Variants in ICAM1 observed in about 807,000 individuals in gnomAD.
The protein encoded by ICAM1 is ICAM-1.
ICAM1 carries 28 observed loss-of-function variants against 42.3 expected under a neutral mutation model. The ratio of observed to expected loss-of-function variants is 0.66; its 90% CI spans 0.49 to 0.91. ICAM1 has a LOEUF of 0.91. Among genes scored for constraint, ICAM1 ranks in the 40% least tolerant of loss-of-function variants. The pLI, the probability that ICAM1 is intolerant of heterozygous loss-of-function variation, is 0.00. For missense variants in ICAM1, 637 were observed against 688.6 expected, an observed-to-expected ratio of 0.93 and a Z score of 0.84; for synonymous variants, 304 against 305.9, an observed-to-expected ratio of 0.99 and a Z score of 0.07.
chr19:10,278,173 G>T (rs1013507952), intron 2 of ICAM1, among the ~76,000 whole-genome samples: 1 of 152,150 alleles, frequency 6.6e-6, no homozygotes, highest in Non-Finnish European at 1.5e-5. Flanking sequence ...CTCCAGCCTG[G>T]GTGACAGAGA....
In ICAM1 at chr19:10,283,800, A is replaced by G. The variant is rs2040080261; in HGVS notation, c.637+14A>G. ...TCCAGACCTTTGGTGAGGATTGAAG[A>G]AGCCAGCAGGGAGAAGGTGGGGGTG... On this transcript the variant is annotated intron_variant, in intron 3 of 6. Transcript: ENST00000264832. 6.3e-7 allele frequency: 1 copy of G among 1,581,722 alleles called. No homozygotes were observed. The highest frequency in any genetic ancestry group is 1.8e-5 in the Admixed American group (1 of 56,342).
At position 10,284,557 on chromosome 19, in the gene ICAM1, C is replaced by T. The variant is rs377420632; in HGVS notation, c.1080C>T (p.Ala360=). 21 of 1,614,150 alleles carry T rather than the reference C, an allele frequency of 1.3e-5. No individual in the cohort carries two copies. The African/African-American group carries it at 2.5e-4, about 19-fold the overall frequency. ...LGPRAQLLLK[A]TPEDNGRSFS... ...CGAGGGCCCAGCTCCTGCTGAAGGC[C>T]ACCCCAGAGGACAACGGGCGCAGCT... Residue 360 remains alanine (A), a synonymous_variant, in exon 5 of 7, where the codon GCC becomes GCT. Coordinates refer to ENST00000264832, the MANE Select transcript of ICAM1 (RefSeq NM_000201.3). The surrounding 1 kb of genome is among the most constrained non-coding windows in gnomAD (Gnocchi z 5.4).
intron 2 of ICAM1, among the ~76,000 whole-genome samples, chr19:10,279,567 T>G (rs750487023): frequency 1.3e-5 from 2 of 151,978 alleles, no homozygotes; most frequent in Non-Finnish European, 2.9e-5. Flanking sequence ...TGCAGCCTCC[T>G]CCACCTCCTG....
Position 10,280,612 on chromosome 19 carries a change from C to T in ICAM1, c.332-2869C>T, listed in dbSNP as rs148251870. On this transcript the variant is annotated intron_variant, in intron 2 of 6. Coordinates refer to ENST00000264832, the MANE Select transcript of ICAM1 (RefSeq NM_000201.3). Reference sequence around the variant, plus strand: ...AGACCGGAGTTTCGCTCTTATTGCCCAGGCTGAAGTGCAATGGCAGGATCT... The same window carrying T: ...AGACCGGAGTTTCGCTCTTATTGCCTAGGCTGAAGTGCAATGGCAGGATCT... 2.9e-3 allele frequency among the ~76,000 whole-genome samples: 446 copies of T among 151,874 alleles called. 2 individuals carry two copies. Among genetic ancestry groups the T allele is most frequent in the Non-Finnish European group, 4.0e-3 (272 of 67,960 alleles).
In ICAM1 at chr19:10,283,951, C is replaced by T; in HGVS notation, c.638-82C>T. 5.3e-6 allele frequency: 8 copies of T among 1,513,018 alleles called. 1 individual carries two copies. In the East Asian group the frequency reaches 6.8e-5, roughly 13 times the overall value. 93.7% of individuals were successfully genotyped at this position (1,513,018 alleles called of 1,614,324 possible). On this transcript the variant is annotated intron_variant, in intron 3 of 6. Coordinates refer to ENST00000264832, the MANE Select transcript of ICAM1 (RefSeq NM_000201.3). ...GCTGAGTGGCCCTGGAAGAGGATCT[C>T]GCAGGAGGGGGAATGAAATGCCCCA... is the stretch of plus-strand genomic sequence containing the variant.
intron 3 of ICAM1, 26 bp downstream of exon 3, chr19:10,283,812 A>G: frequency 6.8e-7 from 1 of 1,475,970 alleles, no homozygotes; most frequent in Non-Finnish European, 9.3e-7. Context: ...GCCAGCAGGG[A>G]GAAGGTGGGG....
At position 10,284,422 on chromosome 19, in the gene ICAM1, G is replaced by C; in HGVS notation, c.945G>C (p.Val315=). 1 of 1,613,614 alleles carries C rather than the reference G, an allele frequency of 6.2e-7. No individual in the cohort carries two copies. Residue 315 remains valine, a synonymous_variant, in exon 5 of 7, where the codon GTG becomes GTC. Transcript: ENST00000264832. The surrounding 1 kb of genome is among the most constrained non-coding windows in gnomAD (Gnocchi z 5.4). ...TTCCAGGCTTTCCGGCGCCCAACGT[G>C]ATTCTGACGAAGCCAGAGGTCTCAG... The part of the protein sequence containing the change: ...VTIYSFPAPN[V]ILTKPEVSEG...
chr19:10,279,646 C>G (rs1325684686), intron 2 of ICAM1, among the ~76,000 whole-genome samples: 1 of 151,886 alleles, frequency 6.6e-6, no homozygotes, highest in African/African-American at 2.4e-5. Flanking sequence ...TCATGCCCAG[C>G]TAATTTTTTT....
In ICAM1 at chr19:10,284,088, G is replaced by T; in HGVS notation, c.693G>T (p.Thr231=). 6.2e-7 allele frequency: 1 copy of T among 1,614,018 alleles called. No homozygotes were observed. Among genetic ancestry groups the T allele is most frequent in the Middle Eastern group, 1.6e-4 (1 of 6,062 alleles). ...LVSPRVLEVD[T]QGTVVCSLDG... is the part of the protein sequence containing the mutation. Reference sequence around the variant, plus strand: ...GCCCCCGGGTCCTAGAGGTGGACACGCAGGGGACCGTGGTCTGTTCCCTGG... The same window carrying T: ...GCCCCCGGGTCCTAGAGGTGGACACTCAGGGGACCGTGGTCTGTTCCCTGG... The change falls in exon 4 of 7, where the codon ACG becomes ACT. Residue 231 remains threonine (T), a synonymous_variant. Coordinates refer to ENST00000264832, the MANE Select transcript of ICAM1 (RefSeq NM_000201.3). The surrounding 1 kb of genome is among the most constrained non-coding windows in gnomAD (Gnocchi z 5.4).
At position 10,274,852 on chromosome 19, in the gene ICAM1, G is replaced by C. The variant is rs773878586; in HGVS notation, c.155G>C (p.Cys52Ser). Reference sequence around the variant, plus strand: ...GTGCTGGTGACATGCAGCACCTCCTGTGACCAGCCCAAGTTGTTGGGCATA... The same window carrying C: ...GTGCTGGTGACATGCAGCACCTCCTCTGACCAGCCCAAGTTGTTGGGCATA... ...GSVLVTCSTS[C>S]DQPKLLGIET... The change falls in exon 2 of 7, where the codon TGT becomes TCT. Residue 52 changes from cysteine (C) to serine (S), a missense_variant. Cys to Ser is a moderately radical substitution (Grantham distance 112). Transcript: ENST00000264832. 3 of 1,614,222 alleles carry C rather than the reference G, an allele frequency of 1.9e-6. No individual in the cohort carries two copies. Among genetic ancestry groups the C allele is most frequent in the Non-Finnish European group, 2.5e-6 (3 of 1,180,046 alleles).
rs1361179102 is a variant in ICAM1, at chr19:10,284,712, A to AG, written c.1180+57dup. On this transcript the variant is annotated intron_variant, in intron 5 of 6. Coordinates refer to ENST00000264832, the MANE Select transcript of ICAM1 (RefSeq NM_000201.3). This position sits in a 1 kb window ranked among gnomAD's most constrained non-coding sequence, Gnocchi z 5.4. ...ATCCCCCAAGGCCCAATCTCCCTGA[A>AG]GGTCCCATAAGGTCTTGCCTCCAAG... The AG allele has an allele frequency of 3.8e-5, 61 of 1,608,880 alleles. No homozygotes were observed. Among genetic ancestry groups the AG allele is most frequent in the Admixed American group, 5.2e-5 (3 of 57,856 alleles).
At chr19:10,281,710 C>CCG (rs1555705967) in intron 2 of ICAM1, among the ~76,000 whole-genome samples, 2 of 148,066 alleles carry the variant, frequency 1.4e-5, no homozygotes, top group African/African-American at 2.5e-5. Flanking sequence ...AGGACCCCCC[C>CCG]GGTCCTGATG....
At position 10,285,165 on chromosome 19, in the gene ICAM1, A is replaced by G. The variant is rs1382968890; in HGVS notation, c.1477A>G (p.Met493Val). 6.2e-7 allele frequency: 1 copy of G among 1,614,068 alleles called. No homozygotes were observed. The highest frequency in any genetic ancestry group is 8.5e-7 in the Non-Finnish European group (1 of 1,180,034). The change falls in exon 7 of 7, where the codon ATG becomes GTG. Residue 493 changes from methionine (M) to valine (V), a missense_variant. By Grantham distance (21) the Met-to-Val change is conservative. Coordinates refer to ENST00000264832, the MANE Select transcript of ICAM1 (RefSeq NM_000201.3). ...CACTGTGGTAGCAGCCGCAGTCATAATGGGCACTGCAGGCCTCAGCACGTA... is the reference window on the plus strand; with the variant it reads ...CACTGTGGTAGCAGCCGCAGTCATAGTGGGCACTGCAGGCCTCAGCACGTA... ...IITVVAAAVIMGTAGLSTYLY... is the reference protein window; with the variant it reads ...IITVVAAAVIVGTAGLSTYLY...
intron 1 of ICAM1, among the ~76,000 whole-genome samples, chr19:10,274,005 C>T (rs2040000249): frequency 6.7e-6 from 1 of 149,572 alleles, no homozygotes; most frequent in Non-Finnish European, 1.5e-5. Context: ...CAAAGCGAGA[C>T]TCCATCTCAA....
rs2040087146 is a variant in ICAM1 at position 10,284,482 on chromosome 19, C to T, written c.1005C>T (p.His335=). The change falls in exon 5 of 7, where the codon CAC becomes CAT. Residue 335 remains histidine, a synonymous_variant. Transcript: ENST00000264832. The surrounding 1 kb of genome is among the most constrained non-coding windows in gnomAD (Gnocchi z 5.4). ...AGGTGACAGTGAAGTGTGAGGCCCACCCTAGAGCCAAGGTGACGCTGAATG... is the reference window on the plus strand; with the variant it reads ...AGGTGACAGTGAAGTGTGAGGCCCATCCTAGAGCCAAGGTGACGCTGAATG... ...GTEVTVKCEA[H]PRAKVTLNGV... The T allele has an allele frequency of 6.2e-7, 1 of 1,614,048 alleles. No homozygotes were observed. The highest frequency in any genetic ancestry group is 8.5e-7 in the Non-Finnish European group (1 of 1,180,020).
chr19:10,276,005 T>G (rs554836390), intron 2 of ICAM1, among the ~76,000 whole-genome samples: 1 of 150,424 alleles, frequency 6.6e-6, no homozygotes, highest in African/African-American at 2.4e-5. Context: ...ACTGTGCCCA[T>G]CCAAGACCCT....
chr19:10,285,409 A>G lies in ICAM1; in HGVS notation c.*122A>G. On this transcript the variant is annotated 3_prime_UTR_variant, in exon 7 of 7. Coordinates refer to ENST00000264832, the MANE Select transcript of ICAM1 (RefSeq NM_000201.3). Reference sequence around the variant, plus strand: ...CCTACCGGCCCTGGGACGCCGGAGGACAGGGCATTGTCCTCAGTCAGATAC... The same window carrying G: ...CCTACCGGCCCTGGGACGCCGGAGGGCAGGGCATTGTCCTCAGTCAGATAC... 1 of 900,946 alleles carries G rather than the reference A, an allele frequency of 1.1e-6. No individual in the cohort carries two copies. Among genetic ancestry groups the G allele is most frequent in the Non-Finnish European group, 1.7e-6 (1 of 591,710 alleles). 55.8% of individuals were successfully genotyped at this position (900,946 alleles called of 1,614,324 possible).
intron 2 of ICAM1, 85 bp downstream of exon 2, chr19:10,275,113 T>G: frequency 7.1e-7 from 1 of 1,413,168 alleles, no homozygotes; most frequent in Non-Finnish European, 9.7e-7. Flanking sequence ...TGGGGGAATC[T>G]TTGCCACTTG....
At position 10,278,567 on chromosome 19, in the gene ICAM1, TTTTTC is replaced by T. The variant is rs1257660382; in HGVS notation, c.331+3544_331+3548del. On this transcript the variant is annotated intron_variant, in intron 2 of 6. Transcript: ENST00000264832. ...ATAGGTCTTTTTTTTTTTTTTTTTT[TTTTTC>T]TTTTTTTTGACACACAGTCTTGCTC... 6.0e-4 allele frequency among the ~76,000 whole-genome samples: 59 copies of T among 98,692 alleles called. 10 individuals are homozygous for T. Among genetic ancestry groups the T allele is most frequent in the Middle Eastern group, 4.5e-3 (1 of 222 alleles). 64.7% of individuals were successfully genotyped at this position (98,692 alleles called of 152,430 possible).
Sources: gnomAD v4.1 joint callset for allele counts (sites outside exome capture counted in the v4.1 genomes callset) on GRCh38, gnomAD v4.1.1 for gene constraint, Gnocchi (gnomAD v3.1) non-coding constraint, MANE v1.5 for transcripts, NCBI Gene and HGNC (gene_info 2026-07-23, HGNC 2026-07-21) for gene names.